SLC39A12: variants seen among roughly 807,000 people sequenced by gnomAD.
The protein encoded by SLC39A12 is zinc transporter ZIP12.
SLC39A12 carries 63 observed loss-of-function variants against 71.1 expected under a neutral mutation model. The ratio of observed to expected loss-of-function variants is 0.89; its 90% CI spans 0.72 to 1.09. The LOEUF is 1.09. Ranked by LOEUF, SLC39A12 falls within the 50% of genes least tolerant of loss-of-function variation. The pLI is 0.00. For missense variants in SLC39A12, 892 were observed against 812.6 expected, an observed-to-expected ratio of 1.10 and a Z score of -1.19; for synonymous variants, 351 against 301.3, an observed-to-expected ratio of 1.16 and a Z score of -1.71.
intron 12 of SLC39A12, among the ~76,000 whole-genome samples, chr10:18,035,846 T>A (rs1836990612): frequency 6.6e-6 from 1 of 152,216 alleles, no homozygotes; most frequent in Non-Finnish European, 1.5e-5. Flanking sequence ...TCCTTTCTGT[T>A]TTTTAGTTTT....
At chr10:17,984,975 G>T (rs1455185341) in intron 6 of SLC39A12, among the ~76,000 whole-genome samples, 1 of 151,992 alleles carries the variant, frequency 6.6e-6, no homozygotes, top group Non-Finnish European at 1.5e-5. Context: ...TAAACCCCTG[G>T]GTAATTTAGA....
chr10:17,992,845 T>G (rs1835588970), intron 8 of SLC39A12, among the ~76,000 whole-genome samples: 1 of 152,262 alleles, frequency 6.6e-6, no homozygotes, highest in Admixed American at 6.5e-5. Flanking sequence ...GATGAATACA[T>G]TTCCAGAGAC....
At chr10:17,970,960 T>C (rs1834958014) in intron 4 of SLC39A12, among the ~76,000 whole-genome samples, 1 of 152,144 alleles carries the variant, frequency 6.6e-6, no homozygotes, top group African/African-American at 2.4e-5. Flanking sequence ...GCTTTTATTA[T>C]GTTGAGATAT....
intron 12 of SLC39A12, among the ~76,000 whole-genome samples, chr10:18,032,864 T>G: frequency 1.5e-5 from 2 of 135,324 alleles, no homozygotes; most frequent in African/African-American, 5.7e-5. Flanking sequence ...CATGAAGGGT[T>G]GTTGAATTTT....
chr10:17,991,118 T>C, intron 7 of SLC39A12, 33 bp from the exon 8 acceptor site: 5 of 1,480,942 alleles, frequency 3.4e-6, no homozygotes, highest in Non-Finnish European at 4.5e-6. Context: ...TCCATCTTTC[T>C]CTCTGCCTTT....
At position 18,030,183 on chromosome 10, in the gene SLC39A12, A is replaced by G. The variant is rs573648368; in HGVS notation, c.1948-12522A>G. 5.9e-5 allele frequency among the ~76,000 whole-genome samples: 9 copies of G among 152,300 alleles called. No individual in the cohort carries two copies. The South Asian group carries it at 1.4e-3, about 25-fold the overall frequency. Reference sequence around the variant, plus strand: ...ATTGAAATGGAAACTTTTATTTCAGATGAGAATCTCCTTGAACTTTTTTTG... The same window carrying G: ...ATTGAAATGGAAACTTTTATTTCAGGTGAGAATCTCCTTGAACTTTTTTTG... On this transcript the variant is annotated intron_variant, in intron 12 of 12. Coordinates refer to ENST00000377369, the MANE Select transcript of SLC39A12 (RefSeq NM_001145195.2).
intron 12 of SLC39A12, among the ~76,000 whole-genome samples, chr10:18,034,703 G>T (rs1458877472): frequency 1.3e-5 from 2 of 151,514 alleles, no homozygotes; most frequent in African/African-American, 4.9e-5. Context: ...ATGTTAGCTG[G>T]TGATTTTGCT....
intron 12 of SLC39A12, among the ~76,000 whole-genome samples, chr10:18,041,745 A>G (rs906942927): frequency 3.5e-5 from 4 of 113,054 alleles, no homozygotes; most frequent in East Asian, 4.8e-4. Flanking sequence ...ATGTATATAC[A>G]TGTATATATG....
At chr10:17,960,389 C>T (rs1834657068) in intron 2 of SLC39A12, among the ~76,000 whole-genome samples, 1 of 152,068 alleles carries the variant, frequency 6.6e-6, no homozygotes, top group African/African-American at 2.4e-5. Flanking sequence ...GCCTTCAGCT[C>T]AAAATAATCA....
intron 4 of SLC39A12, among the ~76,000 whole-genome samples, chr10:17,966,324 T>A (rs967272618): frequency 6.6e-6 from 1 of 152,096 alleles, no homozygotes; most frequent in Non-Finnish European, 1.5e-5. Context: ...TTGTTGTTGT[T>A]TTTAGAGACA....
chr10:18,002,010 G>T, intron 11 of SLC39A12: 1 of 148,972 alleles, frequency 6.7e-6, no homozygotes. Flanking sequence ...CCCAGCCTCT[G>T]GTAACCTTCT....
At chr10:17,992,116 A>G (rs903687813) in intron 8 of SLC39A12, among the ~76,000 whole-genome samples, 1 of 151,644 alleles carries the variant, frequency 6.6e-6, no homozygotes. Flanking sequence ...AAAACAAAAG[A>G]AAAAATAAAT....
intron 12 of SLC39A12, among the ~76,000 whole-genome samples, chr10:18,014,218 T>C (rs577496132): frequency 1.3e-5 from 2 of 152,310 alleles, no homozygotes; most frequent in African/African-American, 4.8e-5. Flanking sequence ...TTTGATGATA[T>C]TGTAAATACA....
At chr10:17,955,867 A>G (rs1374305490) in intron 2 of SLC39A12, among the ~76,000 whole-genome samples, 1 of 152,218 alleles carries the variant, frequency 6.6e-6, no homozygotes, top group Admixed American at 6.5e-5. Context: ...GTTTTAATGA[A>G]CATCGTGAGA....
chr10:18,036,788 A>ATTTTTTTTTTTTTTTTTTTTTT (rs1319675306), intron 12 of SLC39A12, among the ~76,000 whole-genome samples: 2 of 17,014 alleles, frequency 1.2e-4, no homozygotes, highest in Non-Finnish European at 2.7e-4. Context: ...ATATATATAT[A>ATTTTTTTTTTTTTTTTTTTTTT]TATATATTTT....
intron 12 of SLC39A12, chr10:18,007,339 C>T (rs967752793): frequency 6.6e-6 from 1 of 152,206 alleles, no homozygotes; most frequent in Admixed American, 6.5e-5. Context: ...ACCATTGTTA[C>T]CAGGCATCAA....
chr10:18,016,867 C>T (rs989997172), intron 12 of SLC39A12, among the ~76,000 whole-genome samples: 1 of 152,104 alleles, frequency 6.6e-6, no homozygotes, highest in African/African-American at 2.4e-5. Context: ...TTCAGGTCTT[C>T]CCATTTTTAA....
chr10:17,959,996 C>G (rs574216049), intron 2 of SLC39A12, among the ~76,000 whole-genome samples: 24 of 152,140 alleles, frequency 1.6e-4, no homozygotes, highest in African/African-American at 5.8e-4. Flanking sequence ...ATAGGGGCAT[C>G]ATAGAAAAAG....
At chr10:17,976,392 A>G (rs991305914) in intron 4 of SLC39A12, among the ~76,000 whole-genome samples, 2 of 152,050 alleles carry the variant, frequency 1.3e-5, no homozygotes, top group African/African-American at 2.4e-5. Flanking sequence ...TGCTGCTTTC[A>G]AGATTTTATC....
Sources: gnomAD v4.1 joint callset for allele counts (sites outside exome capture counted in the v4.1 genomes callset) on GRCh38, gnomAD v4.1.1 for gene constraint, MANE v1.5 for transcripts, NCBI Gene and HGNC (gene_info 2026-07-23, HGNC 2026-07-21) for gene names.